Variants in WWP2 observed in about 807,000 individuals in gnomAD.
The protein encoded by WWP2 is NEDD4-like E3 ubiquitin-protein ligase WWP2.
In WWP2, 57 loss-of-function variants were observed where a neutral mutation model predicts 121.0. The observed-to-expected ratio is 0.47, with a 90% CI of 0.38 to 0.59. The LOEUF is 0.59. WWP2 is among the 20% of genes least tolerant of loss of function. The probability of loss-of-function intolerance (pLI) is 0.00; values close to 1 mark genes in which losing one functional copy is unlikely to be tolerated. For missense variants in WWP2, 962 were observed against 1,158.9 expected (o/e 0.83, Z 2.47); for synonymous variants, 449 against 441.3 (o/e 1.02, Z -0.22).
intron 6 of WWP2, among the ~76,000 whole-genome samples, chr16:69,853,060 CAG>C (rs2057247924): frequency 6.6e-6 from 1 of 152,122 alleles, no homozygotes; most frequent in Non-Finnish European, 1.5e-5. Flanking sequence ...TCTTTGGAGA[CAG>C]GGAACCAGTG....
chr16:69,862,923 T>C (rs2057451703), intron 6 of WWP2, among the ~76,000 whole-genome samples: 1 of 151,866 alleles, frequency 6.6e-6, no homozygotes, highest in South Asian at 2.1e-4. Context: ...AGACGAGGTC[T>C]CCCTGTGCTG....
At chr16:69,805,196 T>C (rs937211259) in intron 4 of WWP2, among the ~76,000 whole-genome samples, 1 of 152,088 alleles carries the variant, frequency 6.6e-6, no homozygotes, top group South Asian at 2.1e-4. Flanking sequence ...CCCAACACCA[T>C]GCCTAATTTT....
At chr16:69,901,464 G>T (rs542868069) in intron 8 of WWP2, among the ~76,000 whole-genome samples, 2 of 152,244 alleles carry the variant, frequency 1.3e-5, no homozygotes, top group Admixed American at 1.3e-4. Flanking sequence ...CCAGTCTGGG[G>T]TGCAGTGGCG....
chr16:69,826,334 G>A (rs968836589), intron 4 of WWP2, among the ~76,000 whole-genome samples: 2 of 151,398 alleles, frequency 1.3e-5, no homozygotes, highest in Non-Finnish European at 2.9e-5. Flanking sequence ...TTGGGAGGCC[G>A]AGGCAGGCAG....
At chr16:69,891,056 G>A (rs182093671) in intron 8 of WWP2, among the ~76,000 whole-genome samples, 49 of 152,252 alleles carry the variant, frequency 3.2e-4, no homozygotes, top group Admixed American at 4.6e-4. Flanking sequence ...TGGCTAGGAG[G>A]GCTCTGTGGG....
At chr16:69,898,352 G>A (rs992519991) in intron 8 of WWP2, among the ~76,000 whole-genome samples, 3 of 152,022 alleles carry the variant, frequency 2.0e-5, no homozygotes, top group African/African-American at 4.8e-5. Context: ...GATTTGTACA[G>A]CAACTGGAAT....
intron 6 of WWP2, among the ~76,000 whole-genome samples, chr16:69,867,632 G>A (rs1176553549): frequency 2.0e-5 from 3 of 152,202 alleles, no homozygotes; most frequent in Non-Finnish European, 4.4e-5. Context: ...GTGGGTCCTG[G>A]TCGTGGCTGG....
intron 10 of WWP2, among the ~76,000 whole-genome samples, chr16:69,924,518 C>T (rs996813904): frequency 6.6e-6 from 1 of 152,162 alleles, no homozygotes; most frequent in Non-Finnish European, 1.5e-5. Flanking sequence ...CCCTTCCCCG[C>T]AGGATATGAG....
At chr16:69,918,582 T>G (rs2058509647) in intron 10 of WWP2, among the ~76,000 whole-genome samples, 1 of 152,236 alleles carries the variant, frequency 6.6e-6, no homozygotes, top group Non-Finnish European at 1.5e-5. Flanking sequence ...TCTGACCCTT[T>G]GCTGAAAAAG....
intron 1 of WWP2, among the ~76,000 whole-genome samples, chr16:69,770,666 G>A (rs1358248587): frequency 3.3e-5 from 5 of 152,176 alleles, no homozygotes; most frequent in African/African-American, 1.2e-4. Flanking sequence ...CCTGGAGCTT[G>A]CAATTGATGT....
At chr16:69,810,864 C>G (rs146860803) in intron 4 of WWP2, among the ~76,000 whole-genome samples, 1,871 of 151,954 alleles carry the variant, frequency 0.012, 35 homozygotes, top group African/African-American at 0.043. Flanking sequence ...AGGCAATTCT[C>G]CTGCCTCAGT....
intron 7 of WWP2, among the ~76,000 whole-genome samples, chr16:69,872,474 C>T (rs1183804883): frequency 1.3e-5 from 2 of 152,206 alleles, no homozygotes; most frequent in African/African-American, 2.4e-5. Context: ...CTTGGCCTCC[C>T]AAAGTTCTGG....
Position 69,937,321 on chromosome 16 carries a change from G to C in WWP2, c.2238+83G>C. ...GTGATACGCTCACTGTGTACCCACA[G>C]ACACTCAGCGTAAAACTCCCACTTC... On this transcript the variant is annotated intron_variant, in intron 20 of 23. Transcript: ENST00000359154. The surrounding 1 kb of genome is among the most constrained non-coding windows in gnomAD (Gnocchi z 6.6). 6.4e-7 allele frequency: 1 copy of C among 1,566,364 alleles called. No individual in the cohort carries two copies. Among genetic ancestry groups the C allele is most frequent in the Middle Eastern group, 1.7e-4 (1 of 5,854 alleles).
intron 6 of WWP2, among the ~76,000 whole-genome samples, chr16:69,861,938 C>T (rs991502658): frequency 6.6e-6 from 1 of 151,996 alleles, no homozygotes; most frequent in African/African-American, 2.4e-5. Flanking sequence ...AGGTGGGGAG[C>T]CCTCTTGGTT....
rs779101373 is a variant in WWP2, at chr16:69,871,946, C to T, written c.703+15C>T. 13 of 1,609,158 alleles carry T rather than the reference C, an allele frequency of 8.1e-6. No individual in the cohort carries two copies. Among genetic ancestry groups the T allele is most frequent in the South Asian group, 1.1e-5 (1 of 90,576 alleles). On this transcript the variant is annotated intron_variant, in intron 7 of 23. Coordinates refer to ENST00000359154, the MANE Select transcript of WWP2 (RefSeq NM_001270454.2). Reference sequence around the variant, plus strand: ...CAATGGCACAGGTGAGTGATGGCACCGCACGCCAGCCTGCACTGAAGCTGT... The same window carrying T: ...CAATGGCACAGGTGAGTGATGGCACTGCACGCCAGCCTGCACTGAAGCTGT...
At chr16:69,862,344 C>T (rs887372226) in intron 6 of WWP2, among the ~76,000 whole-genome samples, 1 of 152,144 alleles carries the variant, frequency 6.6e-6, no homozygotes, top group African/African-American at 2.4e-5. Flanking sequence ...GGATTACAGG[C>T]GTGAGCTACC....
intron 1 of WWP2, among the ~76,000 whole-genome samples, chr16:69,765,748 C>T (rs1424945220): frequency 6.6e-6 from 1 of 152,070 alleles, no homozygotes. Context: ...TGCTTGAGCT[C>T]GGGAGATGGA....
At chr16:69,896,811 C>T (rs112810285) in intron 8 of WWP2, among the ~76,000 whole-genome samples, 1 of 151,716 alleles carries the variant, frequency 6.6e-6, no homozygotes, top group Non-Finnish European at 1.5e-5. Context: ...CAGTTTCCTA[C>T]CTGGATGATT....
At chr16:69,835,539 A>T (rs1007451739) in intron 4 of WWP2, among the ~76,000 whole-genome samples, 2 of 152,232 alleles carry the variant, frequency 1.3e-5, no homozygotes, top group African/African-American at 2.4e-5. Context: ...TGATACAGTG[A>T]ACACCCAAAT....
Sources: gnomAD v4.1 joint callset for allele counts (sites outside exome capture counted in the v4.1 genomes callset) on GRCh38, gnomAD v4.1.1 for gene constraint, Gnocchi (gnomAD v3.1) non-coding constraint, MANE v1.5 for transcripts, NCBI Gene and HGNC (gene_info 2026-07-23, HGNC 2026-07-21) for gene names.